KCNH8: variants seen among roughly 807,000 people sequenced by gnomAD.
KCNH8 encodes voltage-gated delayed rectifier potassium channel KCNH8.
In KCNH8, 70 loss-of-function variants were observed where a neutral mutation model predicts 103.6. The ratio of observed to expected loss-of-function variants is 0.68; its 90% CI spans 0.56 to 0.82. The LOEUF is 0.82. Among genes scored for constraint, KCNH8 ranks in the 40% least tolerant of loss-of-function variants. KCNH8 has a pLI of 0.00. For synonymous variants in KCNH8, 498 were observed against 489.4 expected (o/e 1.02, Z -0.23); for missense variants, 1,217 against 1,329.9 (o/e 0.92, Z 1.32).
At chr3:19,501,513 T>C (rs1357644599) in intron 11 of KCNH8, among the ~76,000 whole-genome samples, 1 of 152,134 alleles carries the variant, frequency 6.6e-6, no homozygotes, top group East Asian at 1.9e-4. Context: ...TTAACACTGA[T>C]GCAAAAATCC....
At chr3:19,502,851 C>G (rs1412035055) in intron 11 of KCNH8, among the ~76,000 whole-genome samples, 4 of 151,356 alleles carry the variant, frequency 2.6e-5, no homozygotes, top group African/African-American at 7.3e-5. Flanking sequence ...CATTACCATT[C>G]AGGACATAGG....
intron 8 of KCNH8, among the ~76,000 whole-genome samples, chr3:19,449,430 A>G (rs968733874): frequency 1.3e-5 from 2 of 151,758 alleles, no homozygotes; most frequent in African/African-American, 2.4e-5. Context: ...ATCTCCCTCA[A>G]AATTAAAATA....
chr3:19,374,345 TC>T (rs2066155188), intron 5 of KCNH8, among the ~76,000 whole-genome samples: 1 of 151,740 alleles, frequency 6.6e-6, no homozygotes, highest in African/African-American at 2.4e-5. Flanking sequence ...GTTGAATTGA[TC>T]CCTTTACCAT....
At chr3:19,313,387 C>A (rs2065231204) in intron 3 of KCNH8, among the ~76,000 whole-genome samples, 1 of 151,860 alleles carries the variant, frequency 6.6e-6, no homozygotes, top group Non-Finnish European at 1.5e-5. Context: ...TTTTGCCTCC[C>A]TAACTGCAAT....
intron 7 of KCNH8, among the ~76,000 whole-genome samples, chr3:19,414,022 G>A: frequency 6.6e-6 from 1 of 152,054 alleles, no homozygotes; most frequent in Non-Finnish European, 1.5e-5. Context: ...GATAGCTTGA[G>A]TTTTTTAAGA....
intron 2 of KCNH8, among the ~76,000 whole-genome samples, chr3:19,254,638 A>T (rs936599867): frequency 1.3e-5 from 2 of 152,162 alleles, no homozygotes; most frequent in African/African-American, 4.8e-5. Flanking sequence ...TAAATTTAAG[A>T]GGGAGAAATG....
intron 3 of KCNH8, among the ~76,000 whole-genome samples, chr3:19,283,762 T>A (rs2064789534): frequency 6.6e-6 from 1 of 150,968 alleles, no homozygotes; most frequent in Non-Finnish European, 1.5e-5. Flanking sequence ...CCAAAAAAAA[T>A]ATAATAATAA....
chr3:19,463,565 G>A (rs944060581), intron 11 of KCNH8, among the ~76,000 whole-genome samples: 7 of 151,936 alleles, frequency 4.6e-5, no homozygotes, highest in African/African-American at 9.7e-5. Flanking sequence ...AAACAAAGGC[G>A]TAAACTTTTA....
intron 1 of KCNH8, among the ~76,000 whole-genome samples, chr3:19,227,804 T>C (rs1434100613): frequency 6.6e-6 from 1 of 152,142 alleles, no homozygotes; most frequent in Non-Finnish European, 1.5e-5. Context: ...TCGGTGGTCA[T>C]GATTTGGTTG....
chr3:19,520,557 A>G (rs545979966), intron 15 of KCNH8, among the ~76,000 whole-genome samples: 197 of 128,216 alleles, frequency 1.5e-3, no homozygotes, highest in African/African-American at 5.9e-3. Flanking sequence ...GTTTATATAG[A>G]AAAAAAACTT....
chr3:19,153,632 TTTC>T (rs888285411), intron 1 of KCNH8, among the ~76,000 whole-genome samples: 1 of 150,026 alleles, frequency 6.7e-6, no homozygotes. Context: ...TTCTTTCTTT[TTTC>T]TTTTTTTTTT....
intron 1 of KCNH8, among the ~76,000 whole-genome samples, chr3:19,159,565 T>G (rs1559401996): frequency 6.6e-6 from 1 of 152,082 alleles, no homozygotes; most frequent in East Asian, 1.9e-4. Context: ...GGGCCAAGAT[T>G]GGTTGGCAGA....
chr3:19,369,704 C>G (rs533481878), intron 5 of KCNH8, among the ~76,000 whole-genome samples: 8 of 152,010 alleles, frequency 5.3e-5, no homozygotes, highest in Admixed American at 2.6e-4. Context: ...CCTGGATTTT[C>G]CCATATTTGT....
chr3:19,498,972 T>A (rs1162171511), intron 11 of KCNH8, among the ~76,000 whole-genome samples: 5 of 152,194 alleles, frequency 3.3e-5, no homozygotes, highest in Non-Finnish European at 7.3e-5. Context: ...GGAGAACCAC[T>A]GCTCTCTTCA....
intron 5 of KCNH8, among the ~76,000 whole-genome samples, chr3:19,374,048 A>G (rs563789337): frequency 0.011 from 1,698 of 152,172 alleles, 12 homozygotes; most frequent in Non-Finnish European, 0.018. Flanking sequence ...CAATTTTGGA[A>G]TAGGTGTGGT....
chr3:19,503,952 T>C (rs1191036503), intron 11 of KCNH8, among the ~76,000 whole-genome samples: 1 of 151,258 alleles, frequency 6.6e-6, no homozygotes, highest in Non-Finnish European at 1.5e-5. Flanking sequence ...ATAAAGAAAA[T>C]TACTTTCTTT....
chr3:19,322,395 C>A (rs1245975073), intron 3 of KCNH8, among the ~76,000 whole-genome samples: 2 of 152,076 alleles, frequency 1.3e-5, no homozygotes, highest in Non-Finnish European at 1.5e-5. Flanking sequence ...GTGGTGAATT[C>A]TTTCAGCATC....
chr3:19,212,816 A>C (rs2063783765), intron 1 of KCNH8, among the ~76,000 whole-genome samples: 1 of 152,116 alleles, frequency 6.6e-6, no homozygotes, highest in South Asian at 2.1e-4. Context: ...ATCACTTTGT[A>C]TTTTTTCTGT....
At chr3:19,479,956 T>A (rs1346685548) in intron 11 of KCNH8, among the ~76,000 whole-genome samples, 1 of 152,158 alleles carries the variant, frequency 6.6e-6, no homozygotes, top group Non-Finnish European at 1.5e-5. Context: ...ATACCATGAA[T>A]CAGTCAGAAA....
Sources: gnomAD v4.1 joint callset for allele counts (sites outside exome capture counted in the v4.1 genomes callset) on GRCh38, gnomAD v4.1.1 for gene constraint, MANE v1.5 for transcripts, NCBI Gene and HGNC (gene_info 2026-07-23, HGNC 2026-07-21) for gene names.